The following ABAT variants were observed in gnomAD, a reference collection of about 807,000 sequenced individuals.
ABAT encodes 4-aminobutyrate aminotransferase.
ABAT carries 45 observed loss-of-function variants against 64.6 expected under a neutral mutation model. The ratio of observed to expected loss-of-function variants is 0.70; its 90% CI spans 0.55 to 0.89. ABAT has a LOEUF of 0.89. Ranked by LOEUF, ABAT falls within the 40% of genes least tolerant of loss-of-function variation. The pLI, the probability that ABAT is intolerant of heterozygous loss-of-function variation, is 0.00. For synonymous variants in ABAT, 297 were observed against 250.5 expected (o/e 1.19, Z -1.75); for missense variants, 633 against 658.4 (o/e 0.96, Z 0.42).
At position 8,781,158 on chromosome 16, in the gene ABAT, G is replaced by C. The variant is rs1466972420; in HGVS notation, c.1382-151G>C. 2.5e-6 allele frequency: 3 copies of C among 1,202,144 alleles called. No homozygotes were observed. Among genetic ancestry groups the C allele is most frequent in the Non-Finnish European group, 2.5e-6 (2 of 813,780 alleles). 74.5% of individuals were successfully genotyped at this position (1,202,144 alleles called of 1,614,324 possible). On this transcript the variant is annotated intron_variant, in intron 15 of 15. Transcript: ENST00000268251. The surrounding 1 kb of genome is among the most constrained non-coding windows in gnomAD (Gnocchi z 4.5). ...ATGAAGACTGGATGGGTGGGTGGTA[G>C]GAAGGAAGCCCGGGCTTCCATGATG...
chr16:8,721,762 T>TA (rs1467991673), intron 1 of ABAT, among the ~76,000 whole-genome samples: 1 of 152,180 alleles, frequency 6.6e-6, no homozygotes, highest in Non-Finnish European at 1.5e-5. Flanking sequence ...TTTACTGATT[T>TA]AAACATTGAA....
chr16:8,714,340 G>T (rs1320279723), intron 1 of ABAT, among the ~76,000 whole-genome samples: 1 of 152,160 alleles, frequency 6.6e-6, no homozygotes, highest in Non-Finnish European at 1.5e-5. Context: ...CTTTCTCTTT[G>T]AAACTCAGGG....
chr16:8,722,412 T>C (rs2058398862), intron 1 of ABAT, among the ~76,000 whole-genome samples: 1 of 152,226 alleles, frequency 6.6e-6, no homozygotes, highest in South Asian at 2.1e-4. Flanking sequence ...CCCAAAATTC[T>C]GGGATTACAG....
At chr16:8,733,634 G>T (rs577819821) in intron 1 of ABAT, among the ~76,000 whole-genome samples, 2 of 151,892 alleles carry the variant, frequency 1.3e-5, no homozygotes, top group African/African-American at 4.9e-5. Flanking sequence ...GCTGGAGACC[G>T]GCCTGGCCAA....
chr16:8,701,859 G>T (rs557936795), intron 1 of ABAT, among the ~76,000 whole-genome samples: 63 of 151,928 alleles, frequency 4.1e-4, no homozygotes, highest in Non-Finnish European at 8.4e-4. Flanking sequence ...GCAGGAGCAG[G>T]CTCTTGGGTC....
chr16:8,765,774 T>C (rs1430071195), intron 8 of ABAT: 1 of 153,222 alleles, frequency 6.5e-6, no homozygotes, highest in African/African-American at 2.4e-5. Flanking sequence ...TTTAAATATT[T>C]AAATTTAAAT....
chr16:8,716,148 G>C (rs115426768), intron 1 of ABAT, among the ~76,000 whole-genome samples: 7 of 152,266 alleles, frequency 4.6e-5, no homozygotes, highest in African/African-American at 1.7e-4. Context: ...CCATTTTCCA[G>C]TGGAGAAAAC....
intron 1 of ABAT, among the ~76,000 whole-genome samples, chr16:8,691,524 C>CT (rs2057581122): frequency 6.6e-6 from 1 of 152,116 alleles, no homozygotes; most frequent in African/African-American, 2.4e-5. Context: ...AATGCAATCT[C>CT]TGCCTCCTGG....
chr16:8,709,984 G>GT (rs2142072456), intron 1 of ABAT, among the ~76,000 whole-genome samples: 1 of 152,068 alleles, frequency 6.6e-6, no homozygotes, highest in South Asian at 2.1e-4. Context: ...TTGTATGTTT[G>GT]TATTTTTTTA....
intron 1 of ABAT, among the ~76,000 whole-genome samples, chr16:8,705,124 C>G (rs1293805033): frequency 6.6e-6 from 1 of 152,012 alleles, no homozygotes; most frequent in African/African-American, 2.4e-5. Context: ...TATAAAGATA[C>G]TACCTGAGAC....
At chr16:8,759,797 G>A (rs1439336888) in intron 6 of ABAT, among the ~76,000 whole-genome samples, 1 of 152,180 alleles carries the variant, frequency 6.6e-6, no homozygotes, top group East Asian at 1.9e-4. Context: ...TCCTGCCTCG[G>A]TCTCCCAAAG....
At chr16:8,748,544 G>C (rs2059394601) in intron 4 of ABAT, among the ~76,000 whole-genome samples, 1 of 152,108 alleles carries the variant, frequency 6.6e-6, no homozygotes, top group South Asian at 2.1e-4. Flanking sequence ...TGTTTCTTAG[G>C]TCTGGTTGCT....
chr16:8,773,158 A>ATTTTTTTTTT (rs57095363), intron 12 of ABAT, among the ~76,000 whole-genome samples: 4 of 126,994 alleles, frequency 3.1e-5, no homozygotes, highest in African/African-American at 1.3e-4. Context: ...ATATATATAT[A>ATTTTTTTTTT]TTTTTTTTTT....
intron 6 of ABAT, among the ~76,000 whole-genome samples, chr16:8,761,782 G>A (rs2059804054): frequency 6.6e-6 from 1 of 152,108 alleles, no homozygotes; most frequent in South Asian, 2.1e-4. Flanking sequence ...TATTCTGCTT[G>A]TACAGGGCAG....
chr16:8,771,438 A>G (rs1596469366), intron 11 of ABAT, among the ~76,000 whole-genome samples: 1 of 149,808 alleles, frequency 6.7e-6, no homozygotes, highest in East Asian at 2.0e-4. Context: ...TTGTTAGTCT[A>G]TCTAGGTGTA....
chr16:8,768,163 T>C (rs767568755), intron 9 of ABAT, 30 bp from the exon 10 acceptor site: 2 of 1,607,410 alleles, frequency 1.2e-6, no homozygotes, highest in Non-Finnish European at 1.7e-6. Context: ...CTTACAACTA[T>C]GACTAATGAC....
chr16:8,739,710 C>G (rs1487464978), intron 2 of ABAT, among the ~76,000 whole-genome samples: 1 of 151,736 alleles, frequency 6.6e-6, no homozygotes, highest in Non-Finnish European at 1.5e-5. Context: ...GGGAAGTGTC[C>G]TAACTCCCAT....
intron 1 of ABAT, among the ~76,000 whole-genome samples, chr16:8,729,133 C>T (rs1410311389): frequency 7.5e-6 from 1 of 133,392 alleles, no homozygotes; most frequent in Non-Finnish European, 1.6e-5. Context: ...GTGAGAAAAA[C>T]CTGGCTCTAC....
chr16:8,760,868 G>A (rs2059775760), intron 6 of ABAT, among the ~76,000 whole-genome samples: 1 of 152,156 alleles, frequency 6.6e-6, no homozygotes, highest in African/African-American at 2.4e-5. Context: ...GAGGCCAAGA[G>A]TTGGAGACCA....
Sources: allele counts gnomAD v4.1 joint callset (sites outside exome capture counted in the v4.1 genomes callset), GRCh38; gene constraint gnomAD v4.1.1; non-coding constraint Gnocchi (gnomAD v3.1); transcripts MANE v1.5; gene names NCBI Gene and HGNC (gene_info 2026-07-23, HGNC 2026-07-21).